FBXO32: variants seen among roughly 807,000 people sequenced by gnomAD.
FBXO32 encodes F-box protein 32, also known as F-box only protein 32.
Under a neutral mutation model 48.3 loss-of-function variants are expected in FBXO32, and 15 were observed. That is an observed-to-expected ratio of 0.31 (90% CI 0.21 to 0.48). FBXO32 has a LOEUF of 0.48. Ranked by LOEUF, FBXO32 falls within the 20% of genes least tolerant of loss-of-function variation. The pLI is 0.99. For missense variants in FBXO32, 309 were observed against 432.7 expected, an observed-to-expected ratio of 0.71 and a Z score of 2.54; for synonymous variants, 154 against 165.9, an observed-to-expected ratio of 0.93 and a Z score of 0.55.
rs952916479 is a variant in FBXO32 at position 123,525,477 on chromosome 8, TAATCAGATCA to T, written c.372+6411_372+6420del. ...CTCATTCTACAGAGAGAGCTAGGAG[TAATCAGATCA>T]AAGGTCATTCTGGCATTAAGAACCT... On this transcript the variant is annotated intron_variant, in intron 4 of 8. Transcript: ENST00000517956. The surrounding 1 kb of genome is among the most constrained non-coding windows in gnomAD (Gnocchi z 4.3). 3.3e-5 allele frequency among the ~76,000 whole-genome samples: 5 copies of T among 152,116 alleles called. No homozygotes were observed. Among genetic ancestry groups the T allele is most frequent in the Non-Finnish European group, 7.4e-5 (5 of 68,006 alleles).
At chr8:123,530,959 C>T (rs1053253399) in intron 4 of FBXO32, among the ~76,000 whole-genome samples, 1 of 128,278 alleles carries the variant, frequency 7.8e-6, no homozygotes, top group Non-Finnish European at 1.6e-5. Context: ...TGGAAAGCAA[C>T]AGATCCAGTC....
At chr8:123,519,343 G>A (rs1377824140) in intron 4 of FBXO32, among the ~76,000 whole-genome samples, 1 of 152,074 alleles carries the variant, frequency 6.6e-6, no homozygotes, top group Non-Finnish European at 1.5e-5. Flanking sequence ...CACGAGGTGA[G>A]GAGATCGAGA....
Position 123,514,353 on chromosome 8 carries a change from T to A in FBXO32, c.373-20A>T, listed in dbSNP as rs1816796000. 1 of 1,600,678 alleles carries A rather than the reference T, an allele frequency of 6.2e-7. No individual in the cohort carries two copies. Among genetic ancestry groups the A allele is most frequent in the Admixed American group, 1.7e-5 (1 of 58,836 alleles). ...CAACAGCTGAGGATAAAAATAGAAG[T>A]TGCCAGGCTTAGAGTACAGAGATAT... On this transcript the variant is annotated intron_variant, in intron 4 of 8. Transcript: ENST00000517956.
intron 2 of FBXO32, 38 bp downstream of exon 2, chr8:123,534,664 A>T: frequency 7.1e-7 from 1 of 1,398,636 alleles, no homozygotes. Context: ...AACTATCTTC[A>T]AACAGCTTTT....
chr8:123,532,989 G>A, intron 3 of FBXO32, among the ~76,000 whole-genome samples: 1 of 152,096 alleles, frequency 6.6e-6, no homozygotes, highest in East Asian at 1.9e-4. Flanking sequence ...ACGACTAGAG[G>A]GTCCACCTAG....
At chr8:123,512,857 C>T (rs557530600) in intron 6 of FBXO32, among the ~76,000 whole-genome samples, 3 of 152,292 alleles carry the variant, frequency 2.0e-5, no homozygotes, top group Admixed American at 2.0e-4. Flanking sequence ...CTGCAAACAA[C>T]TCATGCTTTA....
At chr8:123,518,486 G>A (rs1277246828) in intron 4 of FBXO32, among the ~76,000 whole-genome samples, 3 of 152,190 alleles carry the variant, frequency 2.0e-5, no homozygotes, top group South Asian at 4.1e-4. Context: ...ATTCCTTTCT[G>A]TCATTTTACT....
At position 123,531,945 on chromosome 8, in the gene FBXO32, A is replaced by C; in HGVS notation, c.325T>G (p.Phe109Val). The change falls in exon 4 of 9, where the codon TTC (phenylalanine) becomes GTC (valine). Residue 109 changes from phenylalanine (F) to valine (V), a missense_variant. Coordinates refer to ENST00000517956, the MANE Select transcript of FBXO32 (RefSeq NM_058229.4). Reference sequence around the variant, plus strand: ...CTGGAATCCAGAATGGCAGTTGAGAAGTCCAGTCTGTTGAAAGCTTCCCCC... The same window carrying C: ...CTGGAATCCAGAATGGCAGTTGAGACGTCCAGTCTGTTGAAAGCTTCCCCC... ...TLGEAFNRLD[F>V]STAILDSRRF... 6.2e-7 allele frequency: 1 copy of C among 1,614,190 alleles called. No individual in the cohort carries two copies.
rs1816495183 is a variant in FBXO32 at position 123,501,753 on chromosome 8, T to G, written c.*1620A>C. 6.6e-6 allele frequency: 1 copy of G among 152,172 alleles called. No homozygotes were observed. The allele number at this position is 152,172 out of a possible 1,614,324, so 9.4% of individuals were successfully genotyped here. On this transcript the variant is annotated 3_prime_UTR_variant, in exon 9 of 9. Transcript: ENST00000517956. The stretch of plus-strand genomic sequence containing the variant: ...TCACCCAAAGCTCAGCTCTTAAAGA[T>G]ACACTGTTCCTCAACTTGAATGTGG...
chr8:123,503,926 A>G (rs553160836), intron 8 of FBXO32, among the ~76,000 whole-genome samples: 105 of 152,102 alleles, frequency 6.9e-4, no homozygotes, highest in Non-Finnish European at 1.3e-3. Context: ...AAAATTACAG[A>G]AATTAGCCTG....
At chr8:123,509,021 G>A (rs1212364720) in intron 6 of FBXO32, among the ~76,000 whole-genome samples, 1 of 152,162 alleles carries the variant, frequency 6.6e-6, no homozygotes, top group Non-Finnish European at 1.5e-5. Context: ...TAGGGTCTAT[G>A]TCACTCCTCA....
In FBXO32 at chr8:123,503,076, A is replaced by T. The variant is rs1279894888; in HGVS notation, c.*297T>A. The T allele has an allele frequency of 2.7e-5, 6 of 219,282 alleles. No homozygotes were observed. Among genetic ancestry groups the T allele is most frequent in the Non-Finnish European group, 5.4e-5 (6 of 111,168 alleles). The allele number at this position is 219,282 out of a possible 1,614,324, so 13.6% of individuals were successfully genotyped here. ...TTTCTGTGACCATTAAGAGGACTCC[A>T]TTTTCACCGCTGAAATAGAATTATT... On this transcript the variant is annotated 3_prime_UTR_variant, in exon 9 of 9. Coordinates refer to ENST00000517956, the MANE Select transcript of FBXO32 (RefSeq NM_058229.4).
At chr8:123,522,814 C>T (rs1333364140) in intron 4 of FBXO32, among the ~76,000 whole-genome samples, 2 of 152,140 alleles carry the variant, frequency 1.3e-5, no homozygotes, top group Non-Finnish European at 2.9e-5. Context: ...ATTTCAGGTT[C>T]TACCTCTTTC....
At chr8:123,538,011 C>G (rs1298688134) in intron 1 of FBXO32, among the ~76,000 whole-genome samples, 3 of 152,172 alleles carry the variant, frequency 2.0e-5, no homozygotes, top group African/African-American at 7.2e-5. Flanking sequence ...TCCCAATTCA[C>G]GCCAAGCTCT....
In FBXO32 at chr8:123,541,058, T is replaced by G; in HGVS notation, c.-44A>C. 7.2e-7 allele frequency: 1 copy of G among 1,388,236 alleles called. No individual in the cohort carries two copies. The highest frequency in any genetic ancestry group is 9.8e-7 in the Non-Finnish European group (1 of 1,017,562). 86.0% of individuals were successfully genotyped at this position (1,388,236 alleles called of 1,614,324 possible). ...GACGGATGGGGAGACGGGGCCGGCCTGGTGGGCTCGGGGACGTGCCACCCG... is the reference window on the plus strand; with the variant it reads ...GACGGATGGGGAGACGGGGCCGGCCGGGTGGGCTCGGGGACGTGCCACCCG... On this transcript the variant is annotated 5_prime_UTR_variant, in exon 1 of 9. Coordinates refer to ENST00000517956, the MANE Select transcript of FBXO32 (RefSeq NM_058229.4).
At position 123,499,467 on chromosome 8, in the gene FBXO32, A is replaced by AT. The variant is rs925625104; in HGVS notation, c.*3905dup. The AT allele has an allele frequency of 6.7e-6, 1 of 148,808 alleles. No homozygotes were observed. Among genetic ancestry groups the AT allele is most frequent in the African/African-American group, 2.5e-5 (1 of 40,484 alleles). 9.2% of individuals were successfully genotyped at this position (148,808 alleles called of 1,614,324 possible). A position where few individuals can be genotyped will look rare whatever the true frequency, so the allele number is the denominator to read the frequency against. ...TTCACAGACTCAGAGTTGGAAACAG[A>AT]TTAAAAAAAAAAAAAAGATGTCAAC... On this transcript the variant is annotated 3_prime_UTR_variant, in exon 9 of 9. Coordinates refer to ENST00000517956, the MANE Select transcript of FBXO32 (RefSeq NM_058229.4).
chr8:123,517,492 T>A (rs1486540217), intron 4 of FBXO32, among the ~76,000 whole-genome samples: 4 of 146,392 alleles, frequency 2.7e-5, no homozygotes, highest in Non-Finnish European at 6.0e-5. Context: ...TTTTTTTTTT[T>A]AACTGTCAGA....
chr8:123,534,590 T>TA, intron 2 of FBXO32, 112 bp downstream of exon 2: 1 of 641,042 alleles, frequency 1.6e-6, no homozygotes, highest in South Asian at 2.1e-5. Flanking sequence ...TGACACACAG[T>TA]AAAACACTGA....
In FBXO32 at chr8:123,500,251, A is replaced by C. The variant is rs1816453989; in HGVS notation, c.*3122T>G. 1 of 152,110 alleles carries C rather than the reference A, an allele frequency of 6.6e-6. No individual in the cohort carries two copies. Among genetic ancestry groups the C allele is most frequent in the African/African-American group, 2.4e-5 (1 of 41,420 alleles). 9.4% of individuals were successfully genotyped at this position (152,110 alleles called of 1,614,324 possible). ...AGAGACTCTAGGCTCACTGCCCATA[A>C]ACCTTTGAGTTGGACCAAATCTTAA... is the stretch of plus-strand genomic sequence containing the variant. On this transcript the variant is annotated 3_prime_UTR_variant, in exon 9 of 9. Transcript: ENST00000517956.
Sources: gnomAD v4.1 joint callset for allele counts (sites outside exome capture counted in the v4.1 genomes callset) on GRCh38, gnomAD v4.1.1 for gene constraint, Gnocchi (gnomAD v3.1) non-coding constraint, MANE v1.5 for transcripts, NCBI Gene and HGNC (gene_info 2026-07-23, HGNC 2026-07-21) for gene names.